Variants in CNTNAP2 observed in about 807,000 individuals in gnomAD.
CNTNAP2 encodes contactin-associated protein-like 2.
In CNTNAP2, 98 loss-of-function variants were observed where a neutral mutation model predicts 155.2. The ratio of observed to expected loss-of-function variants is 0.63; its 90% CI spans 0.54 to 0.75. The LOEUF (loss-of-function observed/expected upper bound fraction) is 0.75. Among genes scored for constraint, CNTNAP2 ranks in the 30% least tolerant of loss-of-function variants. CNTNAP2 has a pLI of 0.00. For synonymous variants in CNTNAP2, 651 were observed against 631.2 expected (o/e 1.03, Z -0.47); for missense variants, 1,727 against 1,688.1 (o/e 1.02, Z -0.40).
chr7:146,981,391 AC>A (rs1458672333), intron 3 of CNTNAP2, among the ~76,000 whole-genome samples: 2 of 152,112 alleles, frequency 1.3e-5, no homozygotes, highest in East Asian at 3.9e-4. Context: ...AAAAATATAA[AC>A]CCTTTTTACT....
At chr7:147,661,923 T>C (rs1323998756) in intron 13 of CNTNAP2, among the ~76,000 whole-genome samples, 1 of 152,144 alleles carries the variant, frequency 6.6e-6, no homozygotes, top group African/African-American at 2.4e-5. Context: ...GTAGAAACTT[T>C]GAGTTAGATT....
intron 13 of CNTNAP2, among the ~76,000 whole-genome samples, chr7:147,716,921 G>A (rs923330901): frequency 3.9e-5 from 6 of 151,990 alleles, no homozygotes; most frequent in African/African-American, 1.2e-4. Flanking sequence ...AAACTAACCC[G>A]GTGCTCAGCT....
chr7:148,183,277 T>G (rs776412489), intron 18 of CNTNAP2, among the ~76,000 whole-genome samples: 1 of 152,214 alleles, frequency 6.6e-6, no homozygotes, highest in Non-Finnish European at 1.5e-5. Context: ...ATTCAAAGTC[T>G]TGTCCAAGGA....
At chr7:146,850,289 C>A (rs1585121640) in intron 3 of CNTNAP2, among the ~76,000 whole-genome samples, 2 of 152,160 alleles carry the variant, frequency 1.3e-5, no homozygotes, top group African/African-American at 4.8e-5. Context: ...ATCTGCATTT[C>A]TCCGATGAAC....
intron 3 of CNTNAP2, among the ~76,000 whole-genome samples, chr7:146,971,759 C>G (rs1282770592): frequency 6.6e-6 from 1 of 152,124 alleles, no homozygotes; most frequent in East Asian, 1.9e-4. Context: ...TCTGCCTGCC[C>G]TTGTGACTTA....
At chr7:146,317,904 G>A (rs912290043) in intron 1 of CNTNAP2, among the ~76,000 whole-genome samples, 2 of 152,200 alleles carry the variant, frequency 1.3e-5, no homozygotes, top group African/African-American at 2.4e-5. Flanking sequence ...CACTTTGGGA[G>A]GCGAAGGAGG....
intron 18 of CNTNAP2, among the ~76,000 whole-genome samples, chr7:148,214,392 G>A (rs182063471): frequency 1.8e-4 from 27 of 152,092 alleles, no homozygotes; most frequent in Non-Finnish European, 3.5e-4. Context: ...CTGTTGATGC[G>A]TCTCCTCCCA....
intron 13 of CNTNAP2, among the ~76,000 whole-genome samples, chr7:147,766,476 C>T (rs1223518886): frequency 6.6e-6 from 1 of 151,854 alleles, no homozygotes; most frequent in Non-Finnish European, 1.5e-5. Flanking sequence ...AAGATGTGTC[C>T]AGGTTGATCA....
intron 4 of CNTNAP2, among the ~76,000 whole-genome samples, chr7:147,096,395 G>A (rs1800534616): frequency 6.6e-6 from 1 of 152,196 alleles, no homozygotes; most frequent in Non-Finnish European, 1.5e-5. Flanking sequence ...CATGTGAATA[G>A]GGACAGCCCC....
intron 13 of CNTNAP2, among the ~76,000 whole-genome samples, chr7:147,822,346 C>G (rs1238576730): frequency 6.6e-6 from 1 of 152,098 alleles, no homozygotes; most frequent in Non-Finnish European, 1.5e-5. Context: ...GTTGGTTTAG[C>G]AAATACATAT....
intron 9 of CNTNAP2, among the ~76,000 whole-genome samples, chr7:147,310,620 G>T (rs17170409): frequency 0.014 from 2,169 of 152,060 alleles, 48 homozygotes; most frequent in African/African-American, 0.05. Flanking sequence ...TGATTACTTG[G>T]GAAGCATAAA....
intron 21 of CNTNAP2, among the ~76,000 whole-genome samples, chr7:148,341,273 C>CTTT (rs200209819): frequency 1.7e-4 from 21 of 120,352 alleles, no homozygotes; most frequent in African/African-American, 7.0e-4. Flanking sequence ...CAGAGGATTT[C>CTTT]TTTTTTTTTT....
intron 16 of CNTNAP2, among the ~76,000 whole-genome samples, chr7:148,146,106 T>A (rs1805171465): frequency 6.6e-6 from 1 of 152,182 alleles, no homozygotes; most frequent in African/African-American, 2.4e-5. Flanking sequence ...GTTTGATTGC[T>A]TGTGACATCG....
At chr7:147,431,839 T>C (rs939643422) in intron 10 of CNTNAP2, among the ~76,000 whole-genome samples, 13 of 152,208 alleles carry the variant, frequency 8.5e-5, no homozygotes, top group African/African-American at 3.1e-4. Context: ...CTCCTTTACC[T>C]AGTTGGCAAT....
intron 10 of CNTNAP2, among the ~76,000 whole-genome samples, chr7:147,422,337 G>A (rs1198465887): frequency 6.6e-6 from 1 of 150,632 alleles, no homozygotes; most frequent in Non-Finnish European, 1.5e-5. Context: ...GCTCTACCCT[G>A]AATTTATACA....
At position 147,234,938 on chromosome 7, in the gene CNTNAP2, C is replaced by T. The variant is rs142359006; in HGVS notation, c.1349-65203C>T. ...CATTATTGTGATTATTTGATGCAGACGCTTTGATGGTTAATGTTATGTGAA... is the reference window on the plus strand; with the variant it reads ...CATTATTGTGATTATTTGATGCAGATGCTTTGATGGTTAATGTTATGTGAA... On this transcript the variant is annotated intron_variant, in intron 8 of 23. Transcript: ENST00000361727. 2.7e-3 allele frequency among the ~76,000 whole-genome samples: 412 copies of T among 152,164 alleles called. 1 individual carries two copies. Among genetic ancestry groups the T allele is most frequent in the African/African-American group, 9.2e-3 (384 of 41,526 alleles).
chr7:147,602,266 A>G (rs1800963226), intron 12 of CNTNAP2, among the ~76,000 whole-genome samples: 1 of 152,076 alleles, frequency 6.6e-6, no homozygotes, highest in Admixed American at 6.6e-5. Context: ...TTTTTCTTTA[A>G]TAAGATTTCA....
chr7:147,835,196 A>G (rs1798615206), intron 13 of CNTNAP2, among the ~76,000 whole-genome samples: 1 of 152,092 alleles, frequency 6.6e-6, no homozygotes, highest in South Asian at 2.1e-4. Flanking sequence ...CACCATCCCC[A>G]CTGACTCAGA....
chr7:146,161,986 CCTTA>C (rs574485924), intron 1 of CNTNAP2, among the ~76,000 whole-genome samples: 1,738 of 152,212 alleles, frequency 0.011, 20 homozygotes, highest in Middle Eastern at 0.034. Flanking sequence ...TGGATCCCTT[CCTTA>C]CACCTTATAC....
Sources: gnomAD v4.1 joint callset for allele counts (sites outside exome capture counted in the v4.1 genomes callset) on GRCh38, gnomAD v4.1.1 for gene constraint, MANE v1.5 for transcripts, NCBI Gene and HGNC (gene_info 2026-07-23, HGNC 2026-07-21) for gene names.